PIGL: variants seen among roughly 807,000 people sequenced by gnomAD.
The protein encoded by PIGL is N-acetylglucosaminyl-phosphatidylinositol de-N-acetylase.
In PIGL, 22 loss-of-function variants were observed where a neutral mutation model predicts 31.1. The ratio of observed to expected loss-of-function variants is 0.71; its 90% CI spans 0.51 to 1.01. The LOEUF is 1.01. PIGL is among the 50% of genes least tolerant of loss of function. The probability of loss-of-function intolerance (pLI) is 0.00; values close to 1 mark genes in which losing one functional copy is unlikely to be tolerated. For missense variants in PIGL, 302 were observed against 315.9 expected, an observed-to-expected ratio of 0.96 and a Z score of 0.33; for synonymous variants, 131 against 117.4, an observed-to-expected ratio of 1.12 and a Z score of -0.75.
At chr17:16,302,357 G>T (rs747547117) in intron 3 of PIGL, among the ~76,000 whole-genome samples, 2 of 152,010 alleles carry the variant, frequency 1.3e-5, no homozygotes, top group African/African-American at 2.4e-5. Flanking sequence ...GCTTGCCTTG[G>T]TTCTCTTACT....
At chr17:16,317,127 C>T (rs757084437) in intron 5 of PIGL, 37 of 1,026,224 alleles carry the variant, frequency 3.6e-5, no homozygotes, top group Non-Finnish European at 4.2e-5. Context: ...CCTACCTGAC[C>T]ATTTACTGCA....
intron 3 of PIGL, among the ~76,000 whole-genome samples, chr17:16,308,246 T>A (rs1459331914): frequency 5.3e-5 from 8 of 151,934 alleles, no homozygotes; most frequent in Admixed American, 3.9e-4. Flanking sequence ...GGCAGGGAAC[T>A]GCTTGAACCC....
intron 2 of PIGL, among the ~76,000 whole-genome samples, chr17:16,261,628 G>T (rs1209814613): frequency 6.6e-6 from 1 of 152,064 alleles, no homozygotes; most frequent in Non-Finnish European, 1.5e-5. Context: ...TCTGGAGGCA[G>T]AGAGAATAAT....
chr17:16,311,933 C>T (rs1463774710), intron 3 of PIGL, among the ~76,000 whole-genome samples: 1 of 152,176 alleles, frequency 6.6e-6, no homozygotes, highest in Non-Finnish European at 1.5e-5. Context: ...TCCACAAAAC[C>T]GCCATCGTCA....
intron 3 of PIGL, among the ~76,000 whole-genome samples, chr17:16,309,057 C>A (rs1050416828): frequency 1.3e-5 from 2 of 152,168 alleles, no homozygotes; most frequent in African/African-American, 2.4e-5. Context: ...TCCTGAAATG[C>A]TGGGATTCCA....
At chr17:16,316,871 G>A (rs1018006585) in intron 5 of PIGL, 159 bp downstream of exon 5, 3 of 1,417,432 alleles carry the variant, frequency 2.1e-6, no homozygotes, top group Non-Finnish European at 2.8e-6. Flanking sequence ...AAGGTACCTG[G>A]CAGGTTGTAT....
chr17:16,217,625 G>GAT, intron 1 of PIGL, 164 bp downstream of exon 1: 41 of 550,766 alleles, frequency 7.4e-5, no homozygotes, highest in South Asian at 2.9e-4. Flanking sequence ...GGAGCGGCCG[G>GAT]CTTACCTGGT....
chr17:16,227,588 T>C (rs548153960), intron 1 of PIGL, among the ~76,000 whole-genome samples: 1 of 145,990 alleles, frequency 6.8e-6, no homozygotes, highest in Non-Finnish European at 1.5e-5. Flanking sequence ...CTTTTTTTTT[T>C]TTTTTTTTTG....
chr17:16,290,246 C>T (rs1337044067), intron 2 of PIGL, among the ~76,000 whole-genome samples: 1 of 151,136 alleles, frequency 6.6e-6, no homozygotes, highest in Non-Finnish European at 1.5e-5. Context: ...CCACACCCGG[C>T]TAATTATTGT....
At chr17:16,291,296 C>T (rs2092959156) in intron 2 of PIGL, among the ~76,000 whole-genome samples, 3 of 151,462 alleles carry the variant, frequency 2.0e-5, no homozygotes, top group Admixed American at 6.6e-5. Flanking sequence ...CACTTGAGGT[C>T]GGGAGTTTGA....
chr17:16,243,160 C>T (rs1233076234), intron 2 of PIGL, among the ~76,000 whole-genome samples: 2 of 152,110 alleles, frequency 1.3e-5, no homozygotes, highest in East Asian at 3.9e-4. Context: ...AAGCAATTCT[C>T]CTGCCTCAGC....
chr17:16,227,578 C>CTTTTTTTT (rs57452229), intron 1 of PIGL, among the ~76,000 whole-genome samples: 4 of 103,168 alleles, frequency 3.9e-5, no homozygotes, highest in Admixed American at 1.2e-4. Flanking sequence ...ATTTTCTTTT[C>CTTTTTTTT]TTTTTTTTTT....
At chr17:16,237,425 GA>G (rs1327969918) in intron 2 of PIGL, among the ~76,000 whole-genome samples, 2 of 150,322 alleles carry the variant, frequency 1.3e-5, no homozygotes, top group Non-Finnish European at 3.0e-5. Context: ...TTTTTTAAAG[GA>G]AAAAAATCAG....
chr17:16,272,901 T>G (rs1230418424), intron 2 of PIGL, among the ~76,000 whole-genome samples: 1 of 152,106 alleles, frequency 6.6e-6, no homozygotes, highest in East Asian at 1.9e-4. Flanking sequence ...CACTCTGTAG[T>G]TGTGATTGAG....
At chr17:16,321,299 G>A (rs1047268537) in intron 6 of PIGL, among the ~76,000 whole-genome samples, 11 of 148,180 alleles carry the variant, frequency 7.4e-5, no homozygotes, top group Non-Finnish European at 1.3e-4. Flanking sequence ...GGAGTGCAAC[G>A]GTGCGATCTC....
chr17:16,217,532 C>A, intron 1 of PIGL, 71 bp downstream of exon 1: 1 of 1,242,210 alleles, frequency 8.1e-7, no homozygotes, highest in Non-Finnish European at 1.2e-6. Context: ...CGATCTCAGT[C>A]GCCTTCTTCT....
intron 4 of PIGL, among the ~76,000 whole-genome samples, chr17:16,313,979 A>G (rs1267403361): frequency 1.3e-5 from 2 of 152,164 alleles, no homozygotes; most frequent in East Asian, 1.9e-4. Flanking sequence ...AGTGCTGTCA[A>G]TCAGTGTGCC....
At chr17:16,296,818 AC>A (rs571041244) in intron 2 of PIGL, among the ~76,000 whole-genome samples, 2,475 of 151,212 alleles carry the variant, frequency 0.016, 68 homozygotes, top group African/African-American at 0.057. Flanking sequence ...CCAGGTTCAC[AC>A]CACTCTCCTG....
intron 4 of PIGL, among the ~76,000 whole-genome samples, chr17:16,316,156 C>T (rs1488425832): frequency 6.6e-6 from 1 of 152,144 alleles, no homozygotes; most frequent in African/African-American, 2.4e-5. Flanking sequence ...TCCTTCTCTG[C>T]CCCCAGCTTT....
Sources: allele counts gnomAD v4.1 joint callset (sites outside exome capture counted in the v4.1 genomes callset), GRCh38; gene constraint gnomAD v4.1.1; transcripts MANE v1.5; gene names NCBI Gene and HGNC (gene_info 2026-07-23, HGNC 2026-07-21).